The following SGPP1 variants were observed in gnomAD, a reference collection of about 807,000 sequenced individuals.
SGPP1 encodes the protein sphingosine-1-phosphate phosphatase 1.
A neutral mutation model predicts 33.0 loss-of-function variants in SGPP1; 21 were observed. The ratio of observed to expected loss-of-function variants is 0.64; its 90% CI spans 0.45 to 0.92. The LOEUF (loss-of-function observed/expected upper bound fraction) is 0.92. SGPP1 is among the 40% of genes least tolerant of loss of function. The pLI is 0.00. For missense variants in SGPP1, 543 were observed against 589.4 expected (o/e 0.92, Z 0.81); for synonymous variants, 239 against 241.2 (o/e 0.99, Z 0.08).
At position 63,689,990 on chromosome 14, in the gene SGPP1, C is replaced by T. The variant is rs138428536; in HGVS notation, c.775-3334G>A. On this transcript the variant is annotated intron_variant, in intron 2 of 2. Coordinates refer to ENST00000247225, the MANE Select transcript of SGPP1 (RefSeq NM_030791.4). Reference sequence around the variant, plus strand: ...ATTATACAATTTATTGGTTTTCCCACTTATGGTCATTTAAGCTGTTTTTGG... The same window carrying T: ...ATTATACAATTTATTGGTTTTCCCATTTATGGTCATTTAAGCTGTTTTTGG... 2.6e-5 allele frequency among the ~76,000 whole-genome samples: 4 copies of T among 152,246 alleles called. No homozygotes were observed. The East Asian group carries it at 7.7e-4, about 29-fold the overall frequency.
At chr14:63,700,120 C>T (rs1298798917) in intron 1 of SGPP1, among the ~76,000 whole-genome samples, 1 of 151,668 alleles carries the variant, frequency 6.6e-6, no homozygotes, top group African/African-American at 2.4e-5. Flanking sequence ...GTATCTCAAA[C>T]TCCTGAGTTC....
At chr14:63,726,248 G>C (rs1885876415) in intron 1 of SGPP1, among the ~76,000 whole-genome samples, 1 of 152,094 alleles carries the variant, frequency 6.6e-6, no homozygotes, top group Admixed American at 6.6e-5. Context: ...GTGAAGTAAA[G>C]GGGGAAAAAA....
At chr14:63,717,317 C>CTT (rs111825145) in intron 1 of SGPP1, among the ~76,000 whole-genome samples, 8 of 139,082 alleles carry the variant, frequency 5.8e-5, no homozygotes, top group Non-Finnish European at 9.4e-5. Context: ...TGGAATTTCT[C>CTT]TTTTTTTTTT....
In SGPP1 at chr14:63,686,215, T is replaced by G; in HGVS notation, c.1216A>C (p.Arg406=). The G allele has an allele frequency of 6.2e-7, 1 of 1,614,178 alleles. No individual in the cohort carries two copies. The highest frequency in any genetic ancestry group is 8.5e-7 in the Non-Finnish European group (1 of 1,179,998). The part of the protein sequence containing the change: ...NIPCDDIRKA[R]QHMEVELPYR... ...GGAAGTTCAACTTCCATGTGCTGTC[T>G]TGCTTTTCGAATATCATCACACGGT... The change falls in exon 3 of 3, where the codon AGA becomes CGA. Residue 406 remains arginine, a synonymous_variant. Transcript: ENST00000247225.
At chr14:63,699,225 C>T (rs564220091) in intron 1 of SGPP1, among the ~76,000 whole-genome samples, 1 of 152,238 alleles carries the variant, frequency 6.6e-6, no homozygotes, top group South Asian at 2.1e-4. Context: ...GAAAAATTTC[C>T]GTGGAATACT....
At chr14:63,705,375 G>A (rs1178310111) in intron 1 of SGPP1, among the ~76,000 whole-genome samples, 2 of 150,864 alleles carry the variant, frequency 1.3e-5, no homozygotes, top group Non-Finnish European at 3.0e-5. Context: ...AAAAGCACAT[G>A]AAAATATGCT....
chr14:63,707,536 T>C (rs1465546584), intron 1 of SGPP1, among the ~76,000 whole-genome samples: 4 of 110,834 alleles, frequency 3.6e-5, no homozygotes, highest in African/African-American at 2.7e-4. Context: ...TATCTACTGA[T>C]TTTTTTTTTT....
chr14:63,703,800 GTTTTTTTTTTT>G (rs57439548), intron 1 of SGPP1, among the ~76,000 whole-genome samples: 5 of 98,922 alleles, frequency 5.1e-5, no homozygotes, highest in Non-Finnish European at 5.9e-5. Flanking sequence ...CCCTATTTAA[GTTTTTTTTTTT>G]TTTTTTTTTT....
intron 1 of SGPP1, among the ~76,000 whole-genome samples, chr14:63,719,005 TATATA>T (rs1384219909): frequency 2.4e-3 from 67 of 27,802 alleles, no homozygotes; most frequent in Non-Finnish European, 3.2e-3. Flanking sequence ...TATATATATA[TATATA>T]TATATTTTTT....
At chr14:63,695,641 G>A (rs565455414) in intron 2 of SGPP1, among the ~76,000 whole-genome samples, 182 of 152,332 alleles carry the variant, frequency 1.2e-3, no homozygotes, top group African/African-American at 4.3e-3. Context: ...GCTGGACATA[G>A]TGGCTCACAT....
At chr14:63,698,912 T>C (rs923584803) in intron 1 of SGPP1, among the ~76,000 whole-genome samples, 5 of 152,238 alleles carry the variant, frequency 3.3e-5, no homozygotes, top group Non-Finnish European at 7.3e-5. Flanking sequence ...GGCTCACTTC[T>C]GCTTCTACAA....
intron 1 of SGPP1, among the ~76,000 whole-genome samples, chr14:63,708,484 G>C (rs1259730419): frequency 6.7e-6 from 1 of 149,730 alleles, no homozygotes; most frequent in Non-Finnish European, 1.5e-5. Context: ...GGCTTGTCTC[G>C]AACTCCTAAC....
chr14:63,686,310 AC>A lies in SGPP1; in HGVS notation c.1120del (p.Val374TyrfsTer4). 6.2e-7 allele frequency: 1 copy of A among 1,614,118 alleles called. No homozygotes were observed. Among genetic ancestry groups the A allele is most frequent in the Non-Finnish European group, 8.5e-7 (1 of 1,179,986 alleles). The stretch of plus-strand genomic sequence containing the variant: ...TACATCTCTGATTATTAGTACAAAT[AC>A]CATCCCTATGAGGATCCGCAATATG... ...KAILRILIGM[V>X]FVLIIRDVMK... is the part of the protein sequence containing the mutation. On this transcript the variant is annotated frameshift_variant, in exon 3 of 3. Coordinates refer to ENST00000247225, the MANE Select transcript of SGPP1 (RefSeq NM_030791.4). LOFTEE classifies it high-confidence loss of function.
In SGPP1 at chr14:63,727,287, C is replaced by G. The variant is rs984505761; in HGVS notation, c.658G>C (p.Val220Leu). Residue 220 changes from valine (V) to leucine (L), a missense_variant, in exon 1 of 3, where the codon GTC (valine) becomes CTC (leucine). By Grantham distance (32) the Val-to-Leu change is conservative. Transcript: ENST00000247225. ...MSGTAIPISM[V>L]LLTYGRWQYP... ...TGCCAGCGGCCATAGGTGAGGAGGA[C>G]CATAGAAATGGGGATGGCGGTGCCG... is the stretch of plus-strand genomic sequence containing the variant. 1.2e-5 allele frequency: 19 copies of G among 1,613,314 alleles called. No individual in the cohort carries two copies. Among genetic ancestry groups the G allele is most frequent in the Non-Finnish European group, 1.6e-5 (19 of 1,179,556 alleles).
At chr14:63,720,499 C>T (rs1360495458) in intron 1 of SGPP1, among the ~76,000 whole-genome samples, 1 of 152,148 alleles carries the variant, frequency 6.6e-6, no homozygotes, top group East Asian at 1.9e-4. Flanking sequence ...TGGCTCATGC[C>T]TGTAATCCCA....
At chr14:63,702,906 T>A (rs1441105724) in intron 1 of SGPP1, among the ~76,000 whole-genome samples, 1 of 151,762 alleles carries the variant, frequency 6.6e-6, no homozygotes, top group Non-Finnish European at 1.5e-5. Context: ...AAAGTGATAT[T>A]TTTTTTTACT....
intron 2 of SGPP1, among the ~76,000 whole-genome samples, chr14:63,689,305 T>G (rs1885047740): frequency 6.6e-6 from 1 of 151,996 alleles, no homozygotes; most frequent in South Asian, 2.1e-4. Context: ...ATACCTGGGA[T>G]TTTTTGTTTG....
At chr14:63,688,071 G>A (rs551906455) in intron 2 of SGPP1, among the ~76,000 whole-genome samples, 105 of 152,056 alleles carry the variant, frequency 6.9e-4, no homozygotes, top group Non-Finnish European at 1.4e-3. Flanking sequence ...TTTGGGGTGA[G>A]TCAAGATCGC....
At chr14:63,722,360 T>TG (rs1313246872) in intron 1 of SGPP1, among the ~76,000 whole-genome samples, 1 of 128,750 alleles carries the variant, frequency 7.8e-6, no homozygotes, top group Non-Finnish European at 1.6e-5. Context: ...CTGTCTCTAT[T>TG]GAAAAAAAAA....
Sources: gnomAD v4.1 joint callset for allele counts (sites outside exome capture counted in the v4.1 genomes callset) on GRCh38, gnomAD v4.1.1 for gene constraint, MANE v1.5 for transcripts, NCBI Gene and HGNC (gene_info 2026-07-23, HGNC 2026-07-21) for gene names.